SIN3A: variants seen among roughly 807,000 people sequenced by gnomAD.
The protein encoded by SIN3A is paired amphipathic helix protein Sin3a.
Under a neutral mutation model 146.1 loss-of-function variants are expected in SIN3A, and 14 were observed. The observed-to-expected ratio is 0.10, with a 90% CI of 0.06 to 0.15. The LOEUF (loss-of-function observed/expected upper bound fraction) is 0.15. Among genes scored for constraint, SIN3A ranks in the 10% least tolerant of loss-of-function variants. The pLI is 1.00. For missense variants in SIN3A, 1,028 were observed against 1,576.0 expected (o/e 0.65, Z 5.89); for synonymous variants, 572 against 572.0 (o/e 1.00, Z 0.00).
chr15:75,400,336 G>A (rs112211530), intron 11 of SIN3A, among the ~76,000 whole-genome samples, 180 bp from the exon 12 acceptor site: 8 of 152,176 alleles, frequency 5.3e-5, no homozygotes, highest in East Asian at 3.8e-4. Context: ...GAATATAAGC[G>A]GAAATATAAT....
At chr15:75,432,956 C>T (rs773047728) in intron 1 of SIN3A, among the ~76,000 whole-genome samples, 1 of 152,102 alleles carries the variant, frequency 6.6e-6, no homozygotes, top group East Asian at 1.9e-4. Flanking sequence ...ACGGGAGAAT[C>T]GCTTGAACCT....
chr15:75,452,555 AAGTAG>A (rs1205667135), upstream of SIN3A, among the ~76,000 whole-genome samples: 7 of 152,250 alleles, frequency 4.6e-5, no homozygotes, highest in Admixed American at 1.3e-4. Context: ...CCTTTCAGCC[AAGTAG>A]AGTACAGAAC....
chr15:75,417,996 G>A lies in SIN3A; in HGVS notation c.367-3685C>T, dbSNP rs151050639. Among the ~76,000 whole-genome samples, 15 of 151,966 alleles carry A rather than the reference G, an allele frequency of 9.9e-5. No individual in the cohort carries two copies. In the East Asian group the frequency reaches 2.5e-3, roughly 25 times the overall value. On this transcript the variant is annotated intron_variant, in intron 3 of 20. Coordinates refer to ENST00000394947, the MANE Select transcript of SIN3A (RefSeq NM_001145358.2). ...CCCTCACCAGACACCAAACCAACTG[G>A]CACCTGGATTTTATTTTATTATTTA... is the stretch of plus-strand genomic sequence containing the variant.
intron 17 of SIN3A, 142 bp from the exon 18 acceptor site, chr15:75,381,847 G>T (rs2072978454): frequency 7.4e-6 from 5 of 674,780 alleles, no homozygotes; most frequent in Non-Finnish European, 1.3e-5. Context: ...TAGATCTTGG[G>T]TGGCCAGTGA....
At chr15:75,451,893 T>C (rs2074418162), upstream of SIN3A, 1 of 151,126 alleles carries the variant, frequency 6.6e-6, no homozygotes, top group South Asian at 2.1e-4. Flanking sequence ...GCGGGGAGCT[T>C]CCCTAACTCA....
intron 16 of SIN3A, among the ~76,000 whole-genome samples, chr15:75,389,151 G>A (rs2073147987): frequency 6.6e-6 from 1 of 152,102 alleles, no homozygotes; most frequent in African/African-American, 2.4e-5. Context: ...ATTAAACAAT[G>A]CAAGTACATA....
intron 10 of SIN3A, among the ~76,000 whole-genome samples, 189 bp downstream of exon 10, chr15:75,401,663 T>C (rs942858650): frequency 1.1e-4 from 16 of 152,224 alleles, no homozygotes; most frequent in African/African-American, 3.6e-4. Context: ...CGATAAATAC[T>C]TAATGCCCTC....
rs372433846 is a variant in SIN3A, at chr15:75,412,898, C to T, written c.621G>A (p.Gln207=). 14 of 1,613,950 alleles carry T rather than the reference C, an allele frequency of 8.7e-6. No individual in the cohort carries two copies. Among genetic ancestry groups the T allele is most frequent in the African/African-American group, 6.7e-5 (5 of 74,982 alleles). The part of the protein sequence containing the change: ...NDMVNVTTPG[Q]VHQIPTHGIQ... ...TGCCATGGGTGGGAATCTGATGAACCTGGCCAGGAGTTGTCACATTCACCA... is the reference window on the plus strand; with the variant it reads ...TGCCATGGGTGGGAATCTGATGAACTTGGCCAGGAGTTGTCACATTCACCA... Residue 207 remains glutamine, a synonymous_variant, in exon 5 of 21, where the codon CAG becomes CAA. Transcript: ENST00000394947.
rs569576028 is a variant in SIN3A at position 75,402,778 on chromosome 15, G to A, written c.1408-808C>T. 4.6e-5 allele frequency among the ~76,000 whole-genome samples: 7 copies of A among 152,114 alleles called. No homozygotes were observed. The East Asian group carries it at 9.8e-4, about 21-fold the overall frequency. ...GCCTCCCAAGTAGGTGGGATTACAG[G>A]CATGTGCTACTACACCCGGATAATT... On this transcript the variant is annotated intron_variant, in intron 9 of 20. Coordinates refer to ENST00000394947, the MANE Select transcript of SIN3A (RefSeq NM_001145358.2).
At chr15:75,372,666 C>T (rs1372441806) in intron 20 of SIN3A, among the ~76,000 whole-genome samples, 1 of 151,756 alleles carries the variant, frequency 6.6e-6, no homozygotes, top group African/African-American at 2.4e-5. Flanking sequence ...TACAAAAATA[C>T]AAATAATAAC....
rs550636156 is a variant in SIN3A at position 75,412,676 on chromosome 15, T to C, written c.756+87A>G. On this transcript the variant is annotated intron_variant, in intron 5 of 20. Transcript: ENST00000394947. ...ATCTTTGTAACTTTGTTTCTCAGTA[T>C]CTAAGTCTTATATAAAGGGGAAACA... 68 of 1,304,570 alleles carry C rather than the reference T, an allele frequency of 5.2e-5. No homozygotes were observed. The African/African-American group carries it at 9.0e-4, about 17-fold the overall frequency. The allele number at this position is 1,304,570 out of a possible 1,614,324, so 80.8% of individuals were successfully genotyped here.
chr15:75,388,510 T>A (rs1295172387), intron 16 of SIN3A: 1 of 152,170 alleles, frequency 6.6e-6, no homozygotes, highest in Non-Finnish European at 1.5e-5. Context: ...CACAAGAGGG[T>A]GGCATTAGTA....
chr15:75,434,003 C>G (rs553198097), intron 1 of SIN3A, among the ~76,000 whole-genome samples: 1 of 152,292 alleles, frequency 6.6e-6, no homozygotes, highest in East Asian at 1.9e-4. Flanking sequence ...ATTAAGTAAA[C>G]TGCCCAAGGT....
intron 9 of SIN3A, among the ~76,000 whole-genome samples, chr15:75,403,352 C>T (rs2073448201): frequency 6.7e-6 from 1 of 149,916 alleles, no homozygotes; most frequent in Non-Finnish European, 1.5e-5. Context: ...ATCGCTTGAA[C>T]CCAGGAGGCA....
At chr15:75,399,237 C>T (rs1056368132) in intron 12 of SIN3A, among the ~76,000 whole-genome samples, 1 of 151,566 alleles carries the variant, frequency 6.6e-6, no homozygotes, top group Non-Finnish European at 1.5e-5. Flanking sequence ...CAAAACAAAA[C>T]AAAGCAATCA....
chr15:75,411,462 G>A, intron 6 of SIN3A, 30 bp downstream of exon 6: 2 of 1,599,094 alleles, frequency 1.3e-6, no homozygotes, highest in Non-Finnish European at 8.5e-7. Flanking sequence ...GGGTGACCTG[G>A]TTAAGACAGG....
chr15:75,423,210 C>G (rs1329722478), intron 2 of SIN3A, among the ~76,000 whole-genome samples: 2 of 152,030 alleles, frequency 1.3e-5, no homozygotes. Flanking sequence ...TCCAGGAGTT[C>G]AAGGCTGCAG....
At chr15:75,433,459 T>C (rs912778879) in intron 1 of SIN3A, among the ~76,000 whole-genome samples, 5 of 152,196 alleles carry the variant, frequency 3.3e-5, no homozygotes, top group Non-Finnish European at 7.3e-5. Context: ...GGATTTCATA[T>C]GGTACTTAAC....
At chr15:75,434,849 G>A (rs1040139595) in intron 1 of SIN3A, among the ~76,000 whole-genome samples, 17 of 151,418 alleles carry the variant, frequency 1.1e-4, no homozygotes, top group African/African-American at 3.9e-4. Flanking sequence ...TCGAGAGGCT[G>A]AGGCAGGAAA....
Sources: allele counts gnomAD v4.1 joint callset (sites outside exome capture counted in the v4.1 genomes callset), GRCh38; gene constraint gnomAD v4.1.1; transcripts MANE v1.5; gene names NCBI Gene and HGNC (gene_info 2026-07-23, HGNC 2026-07-21).